The following ADGRE5 variants were observed in gnomAD, a reference collection of about 807,000 sequenced individuals.
The protein encoded by ADGRE5 is adhesion G protein-coupled receptor E5, also known as CD97 molecule.
In ADGRE5, 72 loss-of-function variants were observed where a neutral mutation model predicts 100.3. The ratio of observed to expected loss-of-function variants is 0.72; its 90% CI spans 0.59 to 0.87. ADGRE5 has a LOEUF of 0.87. ADGRE5 is among the 40% of genes least tolerant of loss of function. The pLI is 0.00. For synonymous variants in ADGRE5, 439 were observed against 447.8 expected, an observed-to-expected ratio of 0.98 and a Z score of 0.25; for missense variants, 959 against 1,094.7, an observed-to-expected ratio of 0.88 and a Z score of 1.75.
rs1398109645 is a variant in ADGRE5 at position 14,396,964 on chromosome 19, C to T, written c.479-113C>T. 3 of 1,322,490 alleles carry T rather than the reference C, an allele frequency of 2.3e-6. No homozygotes were observed. The East Asian group carries it at 7.2e-5, about 32-fold the overall frequency. The allele number at this position is 1,322,490 out of a possible 1,614,324, so 81.9% of individuals were successfully genotyped here. ...GAAGGTCACCAAGTGGCGGCATGTG[C>T]AATAATGGTCTTCAGTCTGAGGCAA... On this transcript the variant is annotated intron_variant, in intron 5 of 19. Transcript: ENST00000242786.
In ADGRE5 at chr19:14,401,900, G is replaced by A; in HGVS notation, c.1183+140G>A. On this transcript the variant is annotated intron_variant, in intron 11 of 19. Transcript: ENST00000242786. The surrounding 1 kb of genome is among the most constrained non-coding windows in gnomAD (Gnocchi z 4.1). ...AATCCCAGCATTTTGGGAGGCCCAGGTGGGTAGATCGCTTGAGCTCAGAAG... is the reference window on the plus strand; with the variant it reads ...AATCCCAGCATTTTGGGAGGCCCAGATGGGTAGATCGCTTGAGCTCAGAAG... 1.9e-6 allele frequency: 1 copy of A among 535,168 alleles called. No individual in the cohort carries two copies. The highest frequency in any genetic ancestry group is 3.2e-6 in the Non-Finnish European group (1 of 312,288). 33.2% of individuals were successfully genotyped at this position (535,168 alleles called of 1,614,324 possible).
In ADGRE5 at chr19:14,401,640, C is replaced by G. The variant is rs1278287398; in HGVS notation, c.1076-13C>G. 1 of 1,602,304 alleles carries G rather than the reference C, an allele frequency of 6.2e-7. No individual in the cohort carries two copies. Among genetic ancestry groups the G allele is most frequent in the Non-Finnish European group, 8.5e-7 (1 of 1,173,664 alleles). On this transcript the variant is annotated splice_polypyrimidine_tract_variant and intron_variant, in intron 10 of 19. Coordinates refer to ENST00000242786, the MANE Select transcript of ADGRE5 (RefSeq NM_078481.4). This position sits in a 1 kb window ranked among gnomAD's most constrained non-coding sequence, Gnocchi z 4.1. ...CCTGGGGTCCCTAATCACAACTGCCCCTCTCCCCTCAGAGCTGACCCTGAT... is the reference window on the plus strand; with the variant it reads ...CCTGGGGTCCCTAATCACAACTGCCGCTCTCCCCTCAGAGCTGACCCTGAT...
chr19:14,389,007 C>T (rs1158358580), intron 3 of ADGRE5, among the ~76,000 whole-genome samples, 189 bp downstream of exon 3: 3 of 148,064 alleles, frequency 2.0e-5, no homozygotes, highest in East Asian at 2.1e-4. Flanking sequence ...GAGGCTGAGG[C>T]GGGCAGATCG....
Position 14,406,366 on chromosome 19 carries a change from G to A in ADGRE5, c.1857G>A (p.Leu619=). ...GCTGCCGCCTGGTGGCCGGGCTGCT[G>A]CACTACTGTTTCCTGGCCGCCTTCT... The part of the protein sequence containing the change: ...GLRCRLVAGL[L]HYCFLAAFCW... The change falls in exon 15 of 20, where the codon CTG becomes CTA. Residue 619 remains leucine (L), a synonymous_variant. Coordinates refer to ENST00000242786, the MANE Select transcript of ADGRE5 (RefSeq NM_078481.4). This position sits in a 1 kb window ranked among gnomAD's most constrained non-coding sequence, Gnocchi z 6.0. 1 of 1,583,726 alleles carries A rather than the reference G, an allele frequency of 6.3e-7. No individual in the cohort carries two copies.
At chr19:14,394,422 AC>A (rs1975703687) in intron 4 of ADGRE5, among the ~76,000 whole-genome samples, 1 of 149,794 alleles carries the variant, frequency 6.7e-6, no homozygotes, top group African/African-American at 2.5e-5. Context: ...TCCACTCCTC[AC>A]CCCCCTGTCT....
chr19:14,406,756 T>C lies in ADGRE5; in HGVS notation c.2105T>C (p.Phe702Ser). The C allele has an allele frequency of 6.2e-7, 1 of 1,614,062 alleles. No homozygotes were observed. Among genetic ancestry groups the C allele is most frequent in the Non-Finnish European group, 8.5e-7 (1 of 1,179,970 alleles). The change falls in exon 16 of 20, where the codon TTC becomes TCC. Residue 702 changes from phenylalanine to serine, a missense_variant. Phe to Ser is a radical substitution (Grantham distance 155, BLOSUM62 -2). Coordinates refer to ENST00000242786, the MANE Select transcript of ADGRE5 (RefSeq NM_078481.4). This position sits in a 1 kb window ranked among gnomAD's most constrained non-coding sequence, Gnocchi z 6.0. ...TGGAGCTTCTTGGGACCTGTGACCT[T>C]CATCATTTTGGTAAGTACCCACTCT... ...FLWSFLGPVT[F>S]IILCNAVIFV...
At chr19:14,407,776 C>A in intron 18 of ADGRE5, 132 bp from the exon 19 acceptor site, 1 of 719,338 alleles carries the variant, frequency 1.4e-6, no homozygotes, top group Non-Finnish European at 2.4e-6. Flanking sequence ...GCCTGGGTGA[C>A]AGGGGGACCC....
intron 1 of ADGRE5, among the ~76,000 whole-genome samples, chr19:14,382,812 C>T (rs989044524): frequency 1.1e-4 from 16 of 151,602 alleles, no homozygotes; most frequent in African/African-American, 3.9e-4. Flanking sequence ...TGGGTTCAAG[C>T]GATTCTCCTG....
At chr19:14,390,497 T>C (rs1233832122) in intron 3 of ADGRE5, among the ~76,000 whole-genome samples, 1 of 152,094 alleles carries the variant, frequency 6.6e-6, no homozygotes, top group Non-Finnish European at 1.5e-5. Flanking sequence ...ATAATTTTTG[T>C]ATTTTTAGTA....
intron 1 of ADGRE5, among the ~76,000 whole-genome samples, chr19:14,387,138 G>T (rs997815612): frequency 6.6e-6 from 1 of 152,196 alleles, no homozygotes; most frequent in African/African-American, 2.4e-5. Context: ...GGGAGTGGGC[G>T]CCATCATCCC....
At chr19:14,394,103 G>T (rs1309894874) in intron 4 of ADGRE5, among the ~76,000 whole-genome samples, 2 of 152,158 alleles carry the variant, frequency 1.3e-5, no homozygotes, top group Non-Finnish European at 2.9e-5. Flanking sequence ...TGAAGGAGGT[G>T]TGTTGCTGTG....
chr19:14,406,586 A>T lies in ADGRE5; in HGVS notation c.2048+29A>T. 6.2e-7 allele frequency: 1 copy of T among 1,606,262 alleles called. No individual in the cohort carries two copies. Among genetic ancestry groups the T allele is most frequent in the South Asian group, 1.1e-5 (1 of 90,786 alleles). ...AGTGCAGCGAGATGGGGCAGGAGGA[A>T]GGCGGGGTGCTGGGCCTGGGGCTCA... is the stretch of plus-strand genomic sequence containing the variant. On this transcript the variant is annotated intron_variant, in intron 15 of 19. Transcript: ENST00000242786. This position sits in a 1 kb window ranked among gnomAD's most constrained non-coding sequence, Gnocchi z 6.0.
intron 1 of ADGRE5, among the ~76,000 whole-genome samples, chr19:14,383,667 G>T (rs1172821226): frequency 6.6e-6 from 1 of 151,602 alleles, no homozygotes; most frequent in Admixed American, 6.6e-5. Context: ...GACTACTTAG[G>T]GCTCAGCCCA....
At chr19:14,394,328 G>A (rs1274229490) in intron 4 of ADGRE5, among the ~76,000 whole-genome samples, 2 of 152,132 alleles carry the variant, frequency 1.3e-5, no homozygotes, top group East Asian at 1.9e-4. Flanking sequence ...TCCAGGCTTC[G>A]CTATTGCACC....
In ADGRE5 at chr19:14,391,001, G is replaced by A. The variant is rs372021393; in HGVS notation, c.268G>A (p.Asp90Asn). ...SDCWNTEGSY[D>N]CVCSPGYEPV... Reference sequence around the variant, plus strand: ...CTGCTGGAACACAGAGGGGAGCTACGACTGCGTGTGCAGCCCGGGATATGA... The same window carrying A: ...CTGCTGGAACACAGAGGGGAGCTACAACTGCGTGTGCAGCCCGGGATATGA... The change falls in exon 4 of 20, where the codon GAC becomes AAC. Residue 90 changes from aspartate (D) to asparagine (N), a missense_variant. This residue lies in a region of ADGRE5 where 114 missense variants were observed against 195.7 expected (regional missense o/e 0.58). Coordinates refer to ENST00000242786, the MANE Select transcript of ADGRE5 (RefSeq NM_078481.4). 4.2e-5 allele frequency: 67 copies of A among 1,614,092 alleles called. No homozygotes were observed. Among genetic ancestry groups the A allele is most frequent in the Non-Finnish European group, 5.2e-5 (61 of 1,180,060 alleles).
intron 18 of ADGRE5, among the ~76,000 whole-genome samples, chr19:14,407,603 T>G (rs1481583585): frequency 6.8e-6 from 1 of 147,852 alleles, no homozygotes; most frequent in Non-Finnish European, 1.5e-5. Context: ...ATGGCACCAT[T>G]GCACTCCAGC....
chr19:14,381,963 A>G (rs570467294), intron 1 of ADGRE5, among the ~76,000 whole-genome samples: 22 of 152,256 alleles, frequency 1.4e-4, no homozygotes, highest in Middle Eastern at 3.4e-3. Context: ...CTCCACTGCA[A>G]GGTACCCCCA....
chr19:14,403,340 ACTTT>A (rs1377407491), intron 12 of ADGRE5, among the ~76,000 whole-genome samples: 2 of 150,942 alleles, frequency 1.3e-5, no homozygotes, highest in African/African-American at 2.4e-5. Flanking sequence ...CCACTCCCAG[ACTTT>A]CTTTTCTTAT....
Position 14,406,891 on chromosome 19 carries a change from C to T in ADGRE5, c.2138C>T (p.Thr713Ile), listed in dbSNP as rs1976268755. ...IILCNAVIFV[T>I]TVWKLTQKFS... ...CAGTGCAATGCTGTCATTTTCGTGA[C>T]TACCGTCTGGAAGCTCACTCAGAAG... The change falls in exon 17 of 20, where the codon ACT becomes ATT. Residue 713 changes from threonine to isoleucine, a missense_variant. Thr to Ile is a moderately conservative substitution (Grantham distance 89, BLOSUM62 -1). This residue lies in a region of ADGRE5 where 428 missense variants were observed against 386.2 expected (regional missense o/e 1.11). Coordinates refer to ENST00000242786, the MANE Select transcript of ADGRE5 (RefSeq NM_078481.4). The surrounding 1 kb of genome is among the most constrained non-coding windows in gnomAD (Gnocchi z 6.0). 1 of 1,614,056 alleles carries T rather than the reference C, an allele frequency of 6.2e-7. No homozygotes were observed. The highest frequency in any genetic ancestry group is 1.3e-5 in the African/African-American group (1 of 74,942).
Sources: allele counts gnomAD v4.1 joint callset (sites outside exome capture counted in the v4.1 genomes callset), GRCh38; gene constraint gnomAD v4.1.1; regional missense constraint gnomAD v4.1.1; non-coding constraint Gnocchi (gnomAD v3.1); transcripts MANE v1.5; gene names NCBI Gene and HGNC (gene_info 2026-07-23, HGNC 2026-07-21).